Variants in FRRS1 observed in about 807,000 individuals in gnomAD.
FRRS1 encodes the protein ferric reductase 1.
In FRRS1, 51 loss-of-function variants were observed where a neutral mutation model predicts 70.7. The observed-to-expected ratio is 0.72, with a 90% CI of 0.58 to 0.91. The LOEUF (loss-of-function observed/expected upper bound fraction) is 0.91. Ranked by LOEUF, FRRS1 falls within the 40% of genes least tolerant of loss-of-function variation. The pLI, the probability that FRRS1 is intolerant of heterozygous loss-of-function variation, is 0.00. For missense variants in FRRS1, 672 were observed against 726.0 expected (o/e 0.93, Z 0.86); for synonymous variants, 225 against 238.7 (o/e 0.94, Z 0.53).
Position 99,737,344 on chromosome 1 carries a change from T to C in FRRS1, c.759+742A>G, listed in dbSNP as rs144969352. ...AATACATGCTGCCTGGATATACAAG[T>C]TTAATTCTCTTTTTAGGAAAGGCAC... On this transcript the variant is annotated intron_variant, in intron 7 of 16. Transcript: ENST00000646001. 5.2e-3 allele frequency among the ~76,000 whole-genome samples: 797 copies of C among 152,256 alleles called. 7 individuals carry two copies. In the Middle Eastern group the frequency reaches 0.092, roughly 18 times the overall value.
intron 1 of FRRS1, among the ~76,000 whole-genome samples, chr1:99,757,949 GGA>G (rs147434816): frequency 0.52 from 68,287 of 132,370 alleles, 17,808 homozygotes; most frequent in African/African-American, 0.76. Flanking sequence ...ATGCCTGGGA[GGA>G]AAAAAAAAAA....
At chr1:99,752,806 C>T (rs924612258) in intron 1 of FRRS1, among the ~76,000 whole-genome samples, 2 of 151,958 alleles carry the variant, frequency 1.3e-5, no homozygotes, top group African/African-American at 4.8e-5. Flanking sequence ...CAAAATGTGA[C>T]ATAGAGACAC....
At chr1:99,740,210 AAAAG>A (rs1557698758) in intron 6 of FRRS1, among the ~76,000 whole-genome samples, 1 of 144,326 alleles carries the variant, frequency 6.9e-6, no homozygotes, top group African/African-American at 2.5e-5. Flanking sequence ...GGCTGTGTTT[AAAAG>A]AAAGAAAAAA....
chr1:99,748,561 C>A lies in FRRS1; in HGVS notation c.196+12G>T, dbSNP rs752966247. The A allele has an allele frequency of 9.1e-5, 146 of 1,603,664 alleles. No individual in the cohort carries two copies. Among genetic ancestry groups the A allele is most frequent in the Non-Finnish European group, 1.2e-4 (135 of 1,172,184 alleles). On this transcript the variant is annotated intron_variant, in intron 3 of 16. Coordinates refer to ENST00000646001, the MANE Select transcript of FRRS1 (RefSeq NM_001361041.2). ...AAATCCAAAATGTAAACAGTTAATC[C>A]CAGCACGGTACCTTCAATCTGATCT...
intron 9 of FRRS1, 25 bp downstream of exon 9, chr1:99,728,468 A>G (rs987029104): frequency 2.1e-5 from 33 of 1,541,384 alleles, no homozygotes; most frequent in Non-Finnish European, 2.8e-5. Context: ...AGACACTTGA[A>G]AAGACAGCTT....
At chr1:99,747,847 T>TA (rs201502922) in intron 3 of FRRS1, 8 of 151,016 alleles carry the variant, frequency 5.3e-5, no homozygotes, top group South Asian at 4.2e-4. Context: ...AATAAAAGTT[T>TA]AAAAAAAAAA....
chr1:99,712,620 C>A, intron 12 of FRRS1, 105 bp from the exon 13 acceptor site: 1 of 587,724 alleles, frequency 1.7e-6, no homozygotes, highest in Non-Finnish European at 3.0e-6. Flanking sequence ...TTTTCCATGG[C>A]TTTAAAGATT....
chr1:99,712,354 G>A (rs1165384544), intron 13 of FRRS1, 64 bp downstream of exon 13: 1 of 1,204,578 alleles, frequency 8.3e-7, no homozygotes, highest in Non-Finnish European at 1.2e-6. Context: ...TTTGAAAACA[G>A]ATTAGTTTGC....
At chr1:99,720,227 T>C (rs1654746787) in intron 9 of FRRS1, among the ~76,000 whole-genome samples, 1 of 152,196 alleles carries the variant, frequency 6.6e-6, no homozygotes. Context: ...TATTTCATTA[T>C]TACCATTTAT....
intron 14 of FRRS1, among the ~76,000 whole-genome samples, chr1:99,711,167 G>A (rs995255514): frequency 1.3e-5 from 2 of 152,184 alleles, no homozygotes; most frequent in Non-Finnish European, 2.9e-5. Context: ...TGTGGGGGGC[G>A]GTTTAGGGCA....
intron 7 of FRRS1, among the ~76,000 whole-genome samples, chr1:99,734,740 A>G (rs1265304753): frequency 6.6e-6 from 1 of 152,200 alleles, no homozygotes; most frequent in Admixed American, 6.5e-5. Context: ...GTGCTTTCCT[A>G]ACATTGCTGA....
At chr1:99,751,429 T>C (rs1656562127) in intron 1 of FRRS1, among the ~76,000 whole-genome samples, 2 of 152,056 alleles carry the variant, frequency 1.3e-5, no homozygotes, top group South Asian at 2.1e-4. Context: ...TATTTTAATC[T>C]GTAACTGTGG....
chr1:99,716,806 GC>G (rs2100911419), intron 11 of FRRS1, among the ~76,000 whole-genome samples: 1 of 152,178 alleles, frequency 6.6e-6, no homozygotes, highest in Non-Finnish European at 1.5e-5. Flanking sequence ...GGTTTGTTTT[GC>G]TTTGTTTTGA....
intron 16 of FRRS1, 30 bp from the exon 17 acceptor site, chr1:99,709,150 A>G (rs1654158523): frequency 6.2e-7 from 1 of 1,607,198 alleles, no homozygotes; most frequent in African/African-American, 1.3e-5. Flanking sequence ...ATGAAAAAAA[A>G]AAGTATTACC....
At position 99,707,304 on chromosome 1, in the gene FRRS1, G is replaced by C. The variant is rs1346695630; in HGVS notation, c.*1724C>G. Among the ~76,000 whole-genome samples, 1 of 151,920 alleles carries C rather than the reference G, an allele frequency of 6.6e-6. No individual in the cohort carries two copies. The highest frequency in any genetic ancestry group is 1.9e-4 in the East Asian group (1 of 5,198). ...ATAAAATAAAGATGTAGGCTACATA[G>C]CTGAGGCTATTATTCACACCATATA... is the stretch of plus-strand genomic sequence containing the variant. On this transcript the variant is annotated 3_prime_UTR_variant, in exon 17 of 17. Transcript: ENST00000646001.
At chr1:99,756,856 A>T (rs1286009760) in intron 1 of FRRS1, among the ~76,000 whole-genome samples, 2 of 152,190 alleles carry the variant, frequency 1.3e-5, no homozygotes, top group African/African-American at 4.8e-5. Flanking sequence ...GTATCAAAGG[A>T]GTTCAAAAGT....
intron 1 of FRRS1, among the ~76,000 whole-genome samples, chr1:99,758,653 A>G (rs934850368): frequency 2.0e-5 from 3 of 152,218 alleles, no homozygotes; most frequent in African/African-American, 7.2e-5. Context: ...TTGAAAAAGA[A>G]CAGAATAACT....
At chr1:99,726,380 A>G (rs536093540) in intron 9 of FRRS1, among the ~76,000 whole-genome samples, 2 of 152,342 alleles carry the variant, frequency 1.3e-5, no homozygotes, top group South Asian at 4.1e-4. Context: ...AGACTAATAC[A>G]GACACCAAAA....
chr1:99,709,235 A>G lies in FRRS1; in HGVS notation c.1649T>C (p.Ile550Thr). Residue 550 changes from isoleucine (I) to threonine (T), a missense_variant, in exon 16 of 17, where the codon ATT (isoleucine) becomes ACT (threonine). Coordinates refer to ENST00000646001, the MANE Select transcript of FRRS1 (RefSeq NM_001361041.2). ...TGCAGTAAATGACTGAAGGATCTGA[A>G]TTCTGTCATCATCCAATATTTCAAC... The part of the protein sequence containing the change: ...RKVEILDDDR[I>T]QILQSFTAVE... 6.2e-7 allele frequency: 1 copy of G among 1,609,310 alleles called. No homozygotes were observed. The highest frequency in any genetic ancestry group is 8.5e-7 in the Non-Finnish European group (1 of 1,175,668).
Sources: gnomAD v4.1 joint callset for allele counts (sites outside exome capture counted in the v4.1 genomes callset) on GRCh38, gnomAD v4.1.1 for gene constraint, MANE v1.5 for transcripts, NCBI Gene and HGNC (gene_info 2026-07-23, HGNC 2026-07-21) for gene names.